The following PRRX2 variants were observed in gnomAD, a reference collection of about 807,000 sequenced individuals.
The protein encoded by PRRX2 is paired mesoderm homeobox protein 2.
In PRRX2, 11 loss-of-function variants were observed where a neutral mutation model predicts 18.0. The ratio of observed to expected loss-of-function variants is 0.61; its 90% confidence interval spans 0.39 to 1.01. PRRX2 has a LOEUF of 1.01. PRRX2 is among the 50% of genes least tolerant of loss of function. PRRX2 has a pLI of 0.01. For synonymous variants in PRRX2, 177 were observed against 154.8 expected (o/e 1.14, Z -1.06); for missense variants, 387 against 351.0 (o/e 1.10, Z -0.82).
Position 129,709,850 on chromosome 9 carries a change from C to A in PRRX2, c.260-9381C>A, listed in dbSNP as rs922392361. Among the ~76,000 whole-genome samples, 1 of 151,106 alleles carries A rather than the reference C, an allele frequency of 6.6e-6. No homozygotes were observed. The highest frequency in any genetic ancestry group is 2.4e-5 in the African/African-American group (1 of 41,332). On this transcript the variant is annotated intron_variant, in intron 1 of 3. Coordinates refer to ENST00000372469, the MANE Select transcript of PRRX2 (RefSeq NM_016307.4). This position sits in a 1 kb window ranked among gnomAD's most constrained non-coding sequence, Gnocchi z 4.2. ...CAGGGGAGGAACCTAGACCCCTGCACAGGAGGGCGGGCTCTGCAGGCTCAC... is the reference window on the plus strand; with the variant it reads ...CAGGGGAGGAACCTAGACCCCTGCAAAGGAGGGCGGGCTCTGCAGGCTCAC...
At chr9:129,698,118 C>A in intron 1 of PRRX2, among the ~76,000 whole-genome samples, 1 of 152,116 alleles carries the variant, frequency 6.6e-6, no homozygotes, top group African/African-American at 2.4e-5. Flanking sequence ...CTTCCCGTCC[C>A]CAGGCAGCTT....
intron 1 of PRRX2, among the ~76,000 whole-genome samples, chr9:129,693,537 T>G (rs1025348162): frequency 3.3e-5 from 5 of 149,696 alleles, no homozygotes; most frequent in Non-Finnish European, 7.4e-5. Flanking sequence ...GAGGTTGCAG[T>G]GAGCTGAGAT....
At chr9:129,701,710 T>TGATAGCTA (rs1329981453) in intron 1 of PRRX2, among the ~76,000 whole-genome samples, 1 of 152,236 alleles carries the variant, frequency 6.6e-6, no homozygotes, top group African/African-American at 2.4e-5. Flanking sequence ...TGGAGTCATG[T>TGATAGCTA]GATAGCTAGA....
chr9:129,676,976 C>A (rs1167295716), intron 1 of PRRX2, among the ~76,000 whole-genome samples: 1 of 152,212 alleles, frequency 6.6e-6, no homozygotes, highest in Non-Finnish European at 1.5e-5. Context: ...TTGCCTTCCC[C>A]CTAAGAGACT....
rs1408996715 is a variant in PRRX2 at position 129,715,586 on chromosome 9, G to A, written c.260-3645G>A. 2.6e-5 allele frequency among the ~76,000 whole-genome samples: 4 copies of A among 151,998 alleles called. No individual in the cohort carries two copies. The highest frequency in any genetic ancestry group is 5.9e-5 in the Non-Finnish European group (4 of 68,014). On this transcript the variant is annotated intron_variant, in intron 1 of 3. Coordinates refer to ENST00000372469, the MANE Select transcript of PRRX2 (RefSeq NM_016307.4). This position sits in a 1 kb window ranked among gnomAD's most constrained non-coding sequence, Gnocchi z 4.0. ...AGCTTGGGCAACAGAGTGAGACCCT[G>A]TCTCAAAAAATAAAAAAGATATTTA...
chr9:129,681,643 C>T (rs1165815496), intron 1 of PRRX2, among the ~76,000 whole-genome samples: 1 of 152,186 alleles, frequency 6.6e-6, no homozygotes, highest in East Asian at 1.9e-4. Context: ...TTGGATTTGC[C>T]TCCATCCGGT....
chr9:129,685,372 T>C (rs1362282452), intron 1 of PRRX2, among the ~76,000 whole-genome samples: 2 of 152,228 alleles, frequency 1.3e-5, no homozygotes, highest in African/African-American at 4.8e-5. Flanking sequence ...CCTTTTTTTA[T>C]TTTTATTTTT....
intron 1 of PRRX2, among the ~76,000 whole-genome samples, chr9:129,678,428 T>C (rs933249558): frequency 3.9e-5 from 6 of 152,150 alleles, no homozygotes; most frequent in African/African-American, 7.2e-5. Context: ...GGAGCTGTGG[T>C]CCTTGGTGTG....
chr9:129,676,559 G>T (rs572828388), intron 1 of PRRX2, among the ~76,000 whole-genome samples: 5 of 152,138 alleles, frequency 3.3e-5, no homozygotes, highest in East Asian at 3.9e-4. Context: ...GTGCTTTCAG[G>T]ACACTGTGAA....
chr9:129,702,585 C>T (rs376242814), intron 1 of PRRX2, among the ~76,000 whole-genome samples: 2 of 152,196 alleles, frequency 1.3e-5, no homozygotes, highest in Admixed American at 6.5e-5. Context: ...GAGATGGCCA[C>T]GTGCAGCTCG....
At chr9:129,667,413 A>G (rs1023475364) in intron 1 of PRRX2, among the ~76,000 whole-genome samples, 4 of 152,216 alleles carry the variant, frequency 2.6e-5, no homozygotes, top group African/African-American at 9.6e-5. Context: ...TGAGGACCTC[A>G]GCGGCTCTGA....
At chr9:129,710,141 G>T (rs932529631) in intron 1 of PRRX2, among the ~76,000 whole-genome samples, 2 of 152,156 alleles carry the variant, frequency 1.3e-5, no homozygotes, top group Admixed American at 6.5e-5. Context: ...CTGAAAGTGA[G>T]CAAGAGAGGG....
At chr9:129,674,228 C>T (rs1564144680) in intron 1 of PRRX2, among the ~76,000 whole-genome samples, 1 of 152,214 alleles carries the variant, frequency 6.6e-6, no homozygotes, top group Non-Finnish European at 1.5e-5. Context: ...TGTTTGTGCC[C>T]AGCCAGGCTC....
At chr9:129,698,676 G>T (rs909115922) in intron 1 of PRRX2, among the ~76,000 whole-genome samples, 6 of 152,226 alleles carry the variant, frequency 3.9e-5, no homozygotes, top group African/African-American at 1.4e-4. Flanking sequence ...TCAGTACTGG[G>T]TGGACGCCCC....
At chr9:129,701,051 G>C (rs1284735069) in intron 1 of PRRX2, among the ~76,000 whole-genome samples, 5 of 152,366 alleles carry the variant, frequency 3.3e-5, no homozygotes, top group African/African-American at 1.2e-4. Flanking sequence ...GAAGGACAAA[G>C]AAATGAGACA....
In PRRX2 at chr9:129,719,286, G is replaced by A; in HGVS notation, c.315G>A (p.Arg105=). 1 of 1,610,372 alleles carries A rather than the reference G, an allele frequency of 6.2e-7. No individual in the cohort carries two copies. Among genetic ancestry groups the A allele is most frequent in the East Asian group, 2.2e-5 (1 of 44,750 alleles). ...GSAAKRKKKQ[R]RNRTTFNSSQ... is the part of the protein sequence containing the mutation. Reference sequence around the variant, plus strand: ...CCGCCAAGCGGAAGAAGAAGCAGCGGCGGAACCGCACCACGTTCAACAGCA... The same window carrying A: ...CCGCCAAGCGGAAGAAGAAGCAGCGACGGAACCGCACCACGTTCAACAGCA... The change falls in exon 2 of 4, where the codon CGG becomes CGA. Residue 105 remains arginine (R), a synonymous_variant. Transcript: ENST00000372469.
chr9:129,714,402 C>CAA (rs144863124), intron 1 of PRRX2, among the ~76,000 whole-genome samples: 1,521 of 102,458 alleles, frequency 0.015, 31 homozygotes, highest in African/African-American at 0.047. Context: ...TACTCTGTCT[C>CAA]AAAAAAAAAA....
intron 1 of PRRX2, among the ~76,000 whole-genome samples, chr9:129,677,649 G>A (rs532893339): frequency 9.6e-4 from 147 of 152,360 alleles, no homozygotes; most frequent in Non-Finnish European, 1.8e-3. Flanking sequence ...GGGGAGGGGG[G>A]TGACCAGGGA....
chr9:129,685,070 C>G (rs1832286008), intron 1 of PRRX2, among the ~76,000 whole-genome samples: 1 of 152,196 alleles, frequency 6.6e-6, no homozygotes, highest in African/African-American at 2.4e-5. Flanking sequence ...CTGCCCTCTC[C>G]CTGGGCTGAG....
Sources: allele counts gnomAD v4.1 joint callset (sites outside exome capture counted in the v4.1 genomes callset), GRCh38; gene constraint gnomAD v4.1.1; non-coding constraint Gnocchi (gnomAD v3.1); transcripts MANE v1.5; gene names NCBI Gene and HGNC (gene_info 2026-07-23, HGNC 2026-07-21).